The following FHIT variants were observed in gnomAD, a reference collection of about 807,000 sequenced individuals.
FHIT encodes the protein fragile histidine triad diadenosine triphosphatase.
Under a neutral mutation model 17.9 loss-of-function variants are expected in FHIT, and 19 were observed. The observed-to-expected ratio is 1.06, with a 90% CI of 0.74 to 1.56. FHIT has a LOEUF of 1.56. FHIT is among the 40% of genes most tolerant of loss of function. The pLI, the probability that FHIT is intolerant of heterozygous loss-of-function variation, is 0.00. For missense variants in FHIT, 248 were observed against 189.2 expected, an observed-to-expected ratio of 1.31 and a Z score of -1.82; for synonymous variants, 81 against 69.7, an observed-to-expected ratio of 1.16 and a Z score of -0.81.
chr3:61,030,574 A>G (rs930333005), intron 3 of FHIT, among the ~76,000 whole-genome samples: 12 of 152,368 alleles, frequency 7.9e-5, no homozygotes, highest in East Asian at 1.9e-4. Context: ...TGAACAAAGA[A>G]GACAAAGATC....
At chr3:61,079,048 T>C (rs2035052678) in intron 2 of FHIT, among the ~76,000 whole-genome samples, 1 of 152,202 alleles carries the variant, frequency 6.6e-6, no homozygotes, top group South Asian at 2.1e-4. Flanking sequence ...TTTTTAATAT[T>C]TAGTTCTCAC....
In FHIT at chr3:60,966,411, C is replaced by G. The variant is rs368324304; in HGVS notation, c.-111+75636G>C. On this transcript the variant is annotated intron_variant, in intron 3 of 9. Coordinates refer to ENST00000492590, the MANE Select transcript of FHIT (RefSeq NM_002012.4). ...CCAGGTGAGGCGATGTCCCGCCCTG[C>G]TTTGGCTCATGCTCCGTGGGCTGCA... is the stretch of plus-strand genomic sequence containing the variant. Among the ~76,000 whole-genome samples the G allele has an allele frequency of 2.5e-4, 38 of 152,366 alleles. 1 individual carries two copies. The East Asian group carries it at 5.6e-3, about 22-fold the overall frequency.
At position 60,209,465 on chromosome 3, in the gene FHIT, A is replaced by G. The variant is rs563490422; in HGVS notation, c.104-195313T>C. Among the ~76,000 whole-genome samples the G allele has an allele frequency of 2.6e-5, 4 of 152,178 alleles. No individual in the cohort carries two copies. The East Asian group carries it at 7.7e-4, about 29-fold the overall frequency. ...ATACTCCTCTCAATCTCTTCCTCTC[A>G]CCATCTCACCATCTTTCTTACATTC... On this transcript the variant is annotated intron_variant, in intron 5 of 9. Coordinates refer to ENST00000492590, the MANE Select transcript of FHIT (RefSeq NM_002012.4).
chr3:60,750,670 T>A (rs1184871213), intron 4 of FHIT, among the ~76,000 whole-genome samples: 1 of 152,180 alleles, frequency 6.6e-6, no homozygotes, highest in Non-Finnish European at 1.5e-5. Flanking sequence ...AACCTCTTTC[T>A]TTTGTAAATC....
intron 5 of FHIT, among the ~76,000 whole-genome samples, chr3:60,315,427 C>T: frequency 6.6e-6 from 1 of 152,172 alleles, no homozygotes; most frequent in East Asian, 1.9e-4. Context: ...CCTACCCAGA[C>T]ATTTCCCTCA....
intron 5 of FHIT, among the ~76,000 whole-genome samples, chr3:60,034,548 T>G (rs1701135426): frequency 6.6e-6 from 1 of 152,352 alleles, no homozygotes; most frequent in East Asian, 1.9e-4. Flanking sequence ...CCGTGGTATA[T>G]CTTCGTCAAC....
chr3:60,141,079 A>C (rs760758736), intron 5 of FHIT, among the ~76,000 whole-genome samples: 7 of 152,178 alleles, frequency 4.6e-5, no homozygotes, highest in Admixed American at 6.5e-5. Flanking sequence ...TAGCAGAAGA[A>C]TGAAACTCAG....
chr3:60,543,056 C>T (rs1218450936), intron 4 of FHIT, among the ~76,000 whole-genome samples: 1 of 152,130 alleles, frequency 6.6e-6, no homozygotes, highest in Non-Finnish European at 1.5e-5. Context: ...TTCTATTCTG[C>T]TTCAGAGCCA....
chr3:60,337,085 C>G (rs1440830334), intron 5 of FHIT, among the ~76,000 whole-genome samples: 1 of 152,116 alleles, frequency 6.6e-6, no homozygotes. Context: ...TTTTGCTTTT[C>G]TACAAGACGG....
intron 5 of FHIT, among the ~76,000 whole-genome samples, chr3:60,193,220 G>T (rs1397708074): frequency 6.6e-6 from 1 of 152,202 alleles, no homozygotes; most frequent in East Asian, 1.9e-4. Flanking sequence ...GCGGATGTGA[G>T]TATAATCACT....
chr3:61,111,411 C>G (rs2106889118), intron 2 of FHIT, among the ~76,000 whole-genome samples: 1 of 152,254 alleles, frequency 6.6e-6, no homozygotes, highest in East Asian at 1.9e-4. Flanking sequence ...GTCTATACCA[C>G]CTTTTGGTAT....
intron 3 of FHIT, among the ~76,000 whole-genome samples, chr3:60,838,247 C>T (rs1274864705): frequency 1.3e-5 from 2 of 152,072 alleles, no homozygotes; most frequent in Non-Finnish European, 2.9e-5. Context: ...CCGAGGCAGG[C>T]GGATTGCCTG....
rs2039874873 is a variant in FHIT at position 60,646,973 on chromosome 3, G to C, written c.-17-109994C>G. ...AGTGCTCTAGTTTATTTTTAAAATA[G>C]CTCAGAATTGGCCATGCTCAAGAAG... is the stretch of plus-strand genomic sequence containing the variant. On this transcript the variant is annotated intron_variant, in intron 4 of 9. Coordinates refer to ENST00000492590, the MANE Select transcript of FHIT (RefSeq NM_002012.4). Among the ~76,000 whole-genome samples, 5 of 152,170 alleles carry C rather than the reference G, an allele frequency of 3.3e-5. No individual in the cohort carries two copies. The South Asian group carries it at 1.0e-3, about 31-fold the overall frequency.
chr3:59,898,621 A>G lies in FHIT; in HGVS notation c.348+23725T>C, dbSNP rs200489781. On this transcript the variant is annotated intron_variant, in intron 8 of 9. Coordinates refer to ENST00000492590, the MANE Select transcript of FHIT (RefSeq NM_002012.4). ...AAGCAGCTGCATCATTTAGATAATA[A>G]ATATCCTCTACAGAATCTTTTTTTT... Among the ~76,000 whole-genome samples the G allele has an allele frequency of 1.1e-4, 17 of 152,308 alleles. No individual in the cohort carries two copies. The East Asian group carries it at 2.1e-3, about 19-fold the overall frequency.
chr3:60,885,330 T>C (rs1342498169), intron 3 of FHIT, among the ~76,000 whole-genome samples: 2 of 152,174 alleles, frequency 1.3e-5, no homozygotes, highest in Non-Finnish European at 2.9e-5. Flanking sequence ...ATAATTATTA[T>C]GTATCAATAA....
chr3:60,418,992 G>A (rs541406549), intron 5 of FHIT, among the ~76,000 whole-genome samples: 37 of 152,192 alleles, frequency 2.4e-4, no homozygotes, highest in African/African-American at 8.9e-4. Context: ...TTTTTAGCCC[G>A]AATGGGAAGT....
At chr3:60,513,692 A>G (rs1259642742) in intron 5 of FHIT, among the ~76,000 whole-genome samples, 1 of 152,194 alleles carries the variant, frequency 6.6e-6, no homozygotes, top group Non-Finnish European at 1.5e-5. Context: ...GGAACAATAC[A>G]CACTGGTGAT....
intron 7 of FHIT, among the ~76,000 whole-genome samples, chr3:59,951,148 T>C (rs1230410838): frequency 1.3e-5 from 2 of 152,186 alleles, no homozygotes; most frequent in Non-Finnish European, 2.9e-5. Flanking sequence ...TTAAGGGATT[T>C]TTCCAGAGGA....
At chr3:60,635,802 T>C (rs2039569072) in intron 4 of FHIT, among the ~76,000 whole-genome samples, 2 of 152,172 alleles carry the variant, frequency 1.3e-5, no homozygotes, top group South Asian at 4.1e-4. Flanking sequence ...AGAGCAGGGT[T>C]GGCAAACTTT....
Sources: allele counts gnomAD v4.1 joint callset (sites outside exome capture counted in the v4.1 genomes callset), GRCh38; gene constraint gnomAD v4.1.1; transcripts MANE v1.5; gene names NCBI Gene and HGNC (gene_info 2026-07-23, HGNC 2026-07-21).